C1orf185: variants seen among roughly 807,000 people sequenced by gnomAD.
The protein encoded by C1orf185 is uncharacterized protein C1orf185.
A neutral mutation model predicts 16.1 loss-of-function variants in C1orf185; 13 were observed. The observed-to-expected ratio is 0.81, with a 90% CI of 0.53 to 1.28. The LOEUF is 1.28. Among genes scored for constraint, C1orf185 ranks in the 50% most tolerant of loss-of-function variants. The pLI is 0.00. For synonymous variants in C1orf185, 80 were observed against 76.9 expected (o/e 1.04, Z -0.21); for missense variants, 220 against 225.2 (o/e 0.98, Z 0.15).
intron 3 of C1orf185, among the ~76,000 whole-genome samples, chr1:51,124,080 T>TG (rs1557647345): frequency 2.0e-5 from 3 of 149,128 alleles, no homozygotes; most frequent in African/African-American, 7.5e-5. Context: ...CACTGTAGTT[T>TG]GTTTTTTTTT....
At chr1:51,137,591 A>C (rs1295637722) in intron 3 of C1orf185, among the ~76,000 whole-genome samples, 1 of 152,168 alleles carries the variant, frequency 6.6e-6, no homozygotes, top group Non-Finnish European at 1.5e-5. Context: ...AGGAACTCTT[A>C]CACACTGTTA....
At chr1:51,104,754 ACT>A (rs1646056566) in intron 1 of C1orf185, among the ~76,000 whole-genome samples, 1 of 152,182 alleles carries the variant, frequency 6.6e-6, no homozygotes, top group African/African-American at 2.4e-5. Flanking sequence ...CTTTAACTAC[ACT>A]ATTTCTTACA....
chr1:51,148,487 A>G (rs1646415284), downstream of C1orf185, among the ~76,000 whole-genome samples: 1 of 152,154 alleles, frequency 6.6e-6, no homozygotes, highest in East Asian at 1.9e-4. Flanking sequence ...GATGTTTTCA[A>G]TTTTATTTCA....
At chr1:51,131,358 A>T (rs1261015182) in intron 3 of C1orf185, among the ~76,000 whole-genome samples, 1 of 152,188 alleles carries the variant, frequency 6.6e-6, no homozygotes, top group Non-Finnish European at 1.5e-5. Context: ...TCTCCTGTCT[A>T]TGGCAGTTCC....
downstream of C1orf185, among the ~76,000 whole-genome samples, chr1:51,149,945 G>A (rs1338909403): frequency 6.6e-6 from 1 of 152,122 alleles, no homozygotes; most frequent in Non-Finnish European, 1.5e-5. Flanking sequence ...AAACTAGCAA[G>A]ATTTGATTTG....
chr1:51,148,453 T>A (rs528921218), downstream of C1orf185, among the ~76,000 whole-genome samples: 78 of 152,300 alleles, frequency 5.1e-4, no homozygotes, highest in Non-Finnish European at 8.2e-4. Context: ...GAATAAAATA[T>A]CCACAGCATT....
intron 3 of C1orf185, among the ~76,000 whole-genome samples, chr1:51,131,201 C>A (rs1439579599): frequency 6.6e-6 from 1 of 152,202 alleles, no homozygotes; most frequent in East Asian, 1.9e-4. Flanking sequence ...CTATGCCCAG[C>A]CGTTAATTGT....
At chr1:51,137,692 C>T (rs1221740574) in intron 3 of C1orf185, among the ~76,000 whole-genome samples, 1 of 152,046 alleles carries the variant, frequency 6.6e-6, no homozygotes. Context: ...CCCCACAATC[C>T]CATTACTGGA....
At chr1:51,119,263 A>G (rs189951851) in intron 3 of C1orf185, among the ~76,000 whole-genome samples, 261 of 152,358 alleles carry the variant, frequency 1.7e-3, no homozygotes, top group African/African-American at 6.2e-3. Flanking sequence ...TTCAAGGTAT[A>G]TGTGTAGTAC....
chr1:51,126,217 A>G (rs114202394), intron 3 of C1orf185, among the ~76,000 whole-genome samples: 1 of 152,188 alleles, frequency 6.6e-6, no homozygotes, highest in Non-Finnish European at 1.5e-5. Flanking sequence ...TGCTACTGAC[A>G]AAGTATAACC....
intron 3 of C1orf185, among the ~76,000 whole-genome samples, chr1:51,132,145 C>T (rs569294590): frequency 3.0e-4 from 46 of 152,198 alleles, no homozygotes; most frequent in African/African-American, 1.1e-3. Flanking sequence ...GGTAGATAAA[C>T]CCACAGTGCA....
At chr1:51,124,991 C>T (rs1471504357) in intron 3 of C1orf185, among the ~76,000 whole-genome samples, 1 of 152,216 alleles carries the variant, frequency 6.6e-6, no homozygotes, top group African/African-American at 2.4e-5. Flanking sequence ...TCTTCTGTAA[C>T]TGCTTCTTGC....
intron 1 of C1orf185, among the ~76,000 whole-genome samples, chr1:51,106,760 A>ATTTT (rs1188472569): frequency 6.4e-5 from 9 of 140,636 alleles, no homozygotes; most frequent in African/African-American, 2.4e-4. Flanking sequence ...CAGATCTGTA[A>ATTTT]TTTTTTTTTT....
At chr1:51,110,348 T>C (rs976654051) in intron 1 of C1orf185, among the ~76,000 whole-genome samples, 8 of 152,192 alleles carry the variant, frequency 5.3e-5, no homozygotes, top group African/African-American at 1.9e-4. Context: ...TTTCCTAATT[T>C]GGGGCATTTG....
chr1:51,121,793 C>A (rs995606513), intron 3 of C1orf185, among the ~76,000 whole-genome samples: 2 of 152,060 alleles, frequency 1.3e-5, no homozygotes, highest in African/African-American at 4.8e-5. Flanking sequence ...TACACATACA[C>A]ATGAAATTTA....
At chr1:51,150,399 G>A (rs1017063517), downstream of C1orf185, among the ~76,000 whole-genome samples, 8 of 152,052 alleles carry the variant, frequency 5.3e-5, no homozygotes, top group Non-Finnish European at 1.0e-4. Context: ...CACCATGTTG[G>A]CCAGGCTGGT....
At chr1:51,118,838 A>G in intron 3 of C1orf185, 37 bp downstream of exon 3, 1 of 1,290,404 alleles carries the variant, frequency 7.7e-7, no homozygotes, top group African/African-American at 1.5e-5. Context: ...TTTTCAAATA[A>G]TTTCTTTTGA....
Position 51,130,637 on chromosome 1 carries a change from A to T in C1orf185, c.258+11836A>T, listed in dbSNP as rs372490912. 3.9e-4 allele frequency among the ~76,000 whole-genome samples: 60 copies of T among 152,318 alleles called. 1 individual carries two copies. The East Asian group carries it at 9.6e-3, about 24-fold the overall frequency. On this transcript the variant is annotated intron_variant, in intron 3 of 4. Coordinates refer to ENST00000371759, the MANE Select transcript of C1orf185 (RefSeq NM_001136508.2). The stretch of plus-strand genomic sequence containing the variant: ...CATTGTCCCAACATCATTTGTAGAA[A>T]AGTCTTTTTTTCCCATTCCATTGTC...
intron 1 of C1orf185, among the ~76,000 whole-genome samples, chr1:51,103,359 T>C (rs1304187755): frequency 6.7e-6 from 1 of 148,274 alleles, no homozygotes; most frequent in Non-Finnish European, 1.5e-5. Flanking sequence ...TGAGCTATGA[T>C]CATGCCACTG....
Sources: allele counts gnomAD v4.1 joint callset (sites outside exome capture counted in the v4.1 genomes callset), GRCh38; gene constraint gnomAD v4.1.1; transcripts MANE v1.5; gene names NCBI Gene and HGNC (gene_info 2026-07-23, HGNC 2026-07-21).